TM9SF4: variants seen among roughly 807,000 people sequenced by gnomAD.
TM9SF4 encodes dinucleotide oxidase disulfide thiol exchanger 3 superfamily member 4.
A neutral mutation model predicts 90.4 loss-of-function variants in TM9SF4; 26 were observed. The observed-to-expected ratio is 0.29, with a 90% CI of 0.21 to 0.40. The LOEUF (loss-of-function observed/expected upper bound fraction) is 0.40, where lower values mean the gene tolerates loss of function less well. Among genes scored for constraint, TM9SF4 ranks in the 10% least tolerant of loss-of-function variants. The pLI, the probability that TM9SF4 is intolerant of heterozygous loss-of-function variation, is 1.00. For missense variants in TM9SF4, 549 were observed against 834.8 expected, an observed-to-expected ratio of 0.66 and a Z score of 4.22; for synonymous variants, 293 against 315.4, an observed-to-expected ratio of 0.93 and a Z score of 0.75.
chr20:32,111,175 C>T (rs1443402633), intron 1 of TM9SF4, among the ~76,000 whole-genome samples: 7 of 152,130 alleles, frequency 4.6e-5, no homozygotes, highest in Admixed American at 3.9e-4. Flanking sequence ...CATGGCCTTA[C>T]CTGGTTTCTG....
chr20:32,155,286 T>G (rs1028286694), intron 13 of TM9SF4, 100 bp downstream of exon 13: 1 of 1,013,226 alleles, frequency 9.9e-7, no homozygotes. Flanking sequence ...TCCCTTCCCT[T>G]TTCTGAGTCC....
intron 6 of TM9SF4, among the ~76,000 whole-genome samples, chr20:32,144,378 G>T (rs1369199747): frequency 2.6e-5 from 4 of 152,218 alleles, no homozygotes; most frequent in Non-Finnish European, 4.4e-5. Flanking sequence ...CTGAATGATT[G>T]ATCACGAAAG....
intron 3 of TM9SF4, among the ~76,000 whole-genome samples, chr20:32,141,022 C>G (rs1271086494): frequency 2.6e-4 from 40 of 151,748 alleles, no homozygotes; most frequent in Admixed American, 2.6e-3. Context: ...TCGAGACCAT[C>G]CTGGCTAACA....
chr20:32,118,636 TTTATTTA>T (rs2046261819), intron 1 of TM9SF4, among the ~76,000 whole-genome samples: 1 of 139,278 alleles, frequency 7.2e-6, no homozygotes, highest in African/African-American at 3.0e-5. Flanking sequence ...TATTTATTTA[TTTATTTA>T]TTTTTATTTT....
rs552377893 is a variant in TM9SF4, at chr20:32,150,515, C to G, written c.1088-107C>G. 1,181 of 1,329,942 alleles carry G rather than the reference C, an allele frequency of 8.9e-4. 1 individual carries two copies. The highest frequency in any genetic ancestry group is 1.2e-3 in the Non-Finnish European group (1,100 of 938,156). 82.4% of individuals were successfully genotyped at this position (1,329,942 alleles called of 1,614,324 possible). On this transcript the variant is annotated intron_variant, in intron 10 of 17. Coordinates refer to ENST00000398022, the MANE Select transcript of TM9SF4 (RefSeq NM_014742.4). ...GGGGGAGCCTCATCTGCCCAGAGTC[C>G]TCCTGTCAGCCTGTCCAAGGTGGGC...
chr20:32,154,787 A>G (rs758782818), intron 12 of TM9SF4, among the ~76,000 whole-genome samples: 7 of 152,254 alleles, frequency 4.6e-5, no homozygotes, highest in Non-Finnish European at 8.8e-5. Context: ...ATGAGAGTAC[A>G]TCAGAGAACA....
rs1188820165 is a variant in TM9SF4, at chr20:32,145,226, G to A, written c.771+17G>A. The A allele has an allele frequency of 1.9e-6, 3 of 1,613,806 alleles. No homozygotes were observed. The African/African-American group carries it at 4.0e-5, about 22-fold the overall frequency. ...CACTGGGAGGTGAGAAGGGGCTGGA[G>A]CTCATGGGCAGGGGAGGAGGGCTCT... On this transcript the variant is annotated intron_variant, in intron 7 of 17. Coordinates refer to ENST00000398022, the MANE Select transcript of TM9SF4 (RefSeq NM_014742.4).
intron 3 of TM9SF4, 94 bp from the exon 4 acceptor site, chr20:32,141,403 A>G: frequency 1.4e-6 from 2 of 1,469,780 alleles, no homozygotes; most frequent in Non-Finnish European, 1.9e-6. Context: ...TTGAAAGCCC[A>G]TGTTTGCCCC....
chr20:32,137,889 G>T (rs1274693381), intron 3 of TM9SF4, among the ~76,000 whole-genome samples: 1 of 152,146 alleles, frequency 6.6e-6, no homozygotes, highest in African/African-American at 2.4e-5. Context: ...GGGAAGTGAG[G>T]CACAAGGAGG....
intron 1 of TM9SF4, among the ~76,000 whole-genome samples, chr20:32,110,706 G>A (rs1007961923): frequency 1.3e-5 from 2 of 152,222 alleles, no homozygotes; most frequent in African/African-American, 2.4e-5. Context: ...TATATGTTGG[G>A]ATGAAGTCTG....
intron 3 of TM9SF4, among the ~76,000 whole-genome samples, chr20:32,138,852 G>T (rs1269994462): frequency 6.6e-6 from 1 of 152,216 alleles, no homozygotes; most frequent in Admixed American, 6.5e-5. Context: ...AGTAGGAAAT[G>T]GTATAGAGGA....
intron 2 of TM9SF4, among the ~76,000 whole-genome samples, chr20:32,133,973 A>ATTT (rs11459669): frequency 7.2e-6 from 1 of 138,906 alleles, no homozygotes; most frequent in African/African-American, 2.7e-5. Flanking sequence ...TGCCTGGCTA[A>ATTT]TTTTTTTTTT....
At chr20:32,156,957 T>TTTTTTTTTTTTTA (rs2046933534) in intron 13 of TM9SF4, among the ~76,000 whole-genome samples, 1 of 148,304 alleles carries the variant, frequency 6.7e-6, no homozygotes, top group Non-Finnish European at 1.5e-5. Context: ...TTTTTTTTTT[T>TTTTTTTTTTTTTA]GAGACGAAGT....
chr20:32,110,341 A>G (rs1032606436), intron 1 of TM9SF4, among the ~76,000 whole-genome samples: 13 of 151,688 alleles, frequency 8.6e-5, no homozygotes, highest in African/African-American at 2.9e-4. Flanking sequence ...TTTCATCCCT[A>G]GAGGCTTCCC....
intron 1 of TM9SF4, among the ~76,000 whole-genome samples, chr20:32,132,412 A>C (rs966731215): frequency 1.3e-5 from 2 of 150,324 alleles, no homozygotes; most frequent in African/African-American, 4.9e-5. Context: ...AAAAGAAGAG[A>C]GATGTGCCGT....
chr20:32,126,718 G>A (rs1490905225), intron 1 of TM9SF4, among the ~76,000 whole-genome samples: 2 of 147,958 alleles, frequency 1.4e-5, no homozygotes, highest in African/African-American at 5.1e-5. Flanking sequence ...TCAATAAGTA[G>A]TTGGTGAACT....
At chr20:32,144,998 C>CTA (rs1426915574) in intron 6 of TM9SF4, 93 bp from the exon 7 acceptor site, 2 of 1,196,052 alleles carry the variant, frequency 1.7e-6, no homozygotes, top group African/African-American at 3.0e-5. Context: ...GCTGGGTCTC[C>CTA]GCGACAGGCA....
At chr20:32,115,975 C>G (rs1004405072) in intron 1 of TM9SF4, among the ~76,000 whole-genome samples, 2 of 151,954 alleles carry the variant, frequency 1.3e-5, no homozygotes, top group Admixed American at 1.3e-4. Flanking sequence ...GCATGTGCCA[C>G]CACGCCTGGC....
intron 15 of TM9SF4, chr20:32,159,016 T>C (rs2122471399): frequency 6.6e-6 from 1 of 152,496 alleles, no homozygotes; most frequent in African/African-American, 2.4e-5. Context: ...AGATATGTGG[T>C]GTGTGGGGAG....
Sources: gnomAD v4.1 joint callset for allele counts (sites outside exome capture counted in the v4.1 genomes callset) on GRCh38, gnomAD v4.1.1 for gene constraint, MANE v1.5 for transcripts, NCBI Gene and HGNC (gene_info 2026-07-23, HGNC 2026-07-21) for gene names.